Variants in PCCA observed in about 807,000 individuals in gnomAD.
PCCA encodes propionyl-CoA carboxylase alpha chain, mitochondrial.
PCCA carries 74 observed loss-of-function variants against 101.3 expected under a neutral mutation model. The ratio of observed to expected loss-of-function variants is 0.73; its 90% CI spans 0.61 to 0.89. The LOEUF (loss-of-function observed/expected upper bound fraction) is 0.89, where lower values mean the gene tolerates loss of function less well. PCCA is among the 40% of genes least tolerant of loss of function. The pLI is 0.00. For synonymous variants in PCCA, 294 were observed against 313.6 expected, an observed-to-expected ratio of 0.94 and a Z score of 0.66; for missense variants, 891 against 907.0, an observed-to-expected ratio of 0.98 and a Z score of 0.23.
intron 1 of PCCA, among the ~76,000 whole-genome samples, chr13:100,094,287 A>T (rs1266229872): frequency 2.0e-5 from 3 of 152,032 alleles, no homozygotes; most frequent in Admixed American, 2.0e-4. Flanking sequence ...TTTGATCTTT[A>T]ATGAGAATAA....
chr13:100,346,086 G>A (rs959926692), intron 18 of PCCA, among the ~76,000 whole-genome samples: 5 of 152,092 alleles, frequency 3.3e-5, no homozygotes, highest in Non-Finnish European at 7.4e-5. Flanking sequence ...TTGTTTTCAC[G>A]CCTGCTAACA....
chr13:100,308,722 T>G (rs2066667539), intron 15 of PCCA, among the ~76,000 whole-genome samples: 1 of 152,218 alleles, frequency 6.6e-6, no homozygotes, highest in Non-Finnish European at 1.5e-5. Context: ...ATATTATACG[T>G]TGATTTTTAA....
intron 20 of PCCA, among the ~76,000 whole-genome samples, chr13:100,445,244 C>G (rs1402215323): frequency 2.0e-5 from 3 of 152,172 alleles, no homozygotes; most frequent in Admixed American, 6.5e-5. Context: ...CCACACACCC[C>G]CATTATGCCC....
intron 8 of PCCA, among the ~76,000 whole-genome samples, chr13:100,242,661 G>T (rs960314786): frequency 6.6e-6 from 1 of 152,082 alleles, no homozygotes. Context: ...TAAAGAAAAA[G>T]AAAATATAAT....
intron 16 of PCCA, among the ~76,000 whole-genome samples, chr13:100,316,966 G>T (rs1010895658): frequency 6.6e-6 from 1 of 151,954 alleles, no homozygotes; most frequent in African/African-American, 2.4e-5. Flanking sequence ...TAGAGACGGG[G>T]TTTCACCATG....
chr13:100,360,073 C>T lies in PCCA; in HGVS notation c.1644-8399C>T, dbSNP rs2074398286. ...AGAGGTTTAATTGAACTTACAGTTC[C>T]ACATGGCTGAGGAGGCCTCAGAATC... On this transcript the variant is annotated intron_variant, in intron 18 of 23. Transcript: ENST00000376285. Among the ~76,000 whole-genome samples, 4 of 152,134 alleles carry T rather than the reference C, an allele frequency of 2.6e-5. No homozygotes were observed. In the South Asian group the frequency reaches 8.3e-4, roughly 32 times the overall value.
chr13:100,145,749 C>T (rs1188874689), intron 4 of PCCA, among the ~76,000 whole-genome samples: 5 of 151,116 alleles, frequency 3.3e-5, no homozygotes, highest in African/African-American at 7.3e-5. Context: ...GTAGTCCCTG[C>T]GACTCAGGAG....
chr13:100,137,856 C>T (rs2051373423), intron 4 of PCCA, among the ~76,000 whole-genome samples: 1 of 150,068 alleles, frequency 6.7e-6, no homozygotes, highest in Non-Finnish European at 1.5e-5. Flanking sequence ...GTCATCCAGG[C>T]TGGAGTGCAG....
At chr13:100,463,336 G>T (rs1166819492) in intron 21 of PCCA, among the ~76,000 whole-genome samples, 7 of 114,334 alleles carry the variant, frequency 6.1e-5, no homozygotes, top group African/African-American at 1.0e-4. Context: ...TATTGGTGTG[G>T]TTTTTTTTTT....
intron 12 of PCCA, among the ~76,000 whole-genome samples, chr13:100,285,787 A>C (rs1362752985): frequency 6.6e-6 from 1 of 152,210 alleles, no homozygotes; most frequent in Admixed American, 6.5e-5. Flanking sequence ...ATGATCTCGT[A>C]GAAGTCCCCT....
At chr13:100,254,150 C>T (rs1277191791) in intron 8 of PCCA, among the ~76,000 whole-genome samples, 4 of 151,974 alleles carry the variant, frequency 2.6e-5, no homozygotes, top group East Asian at 1.9e-4. Flanking sequence ...CAGACACTTA[C>T]GAAACCATCA....
chr13:100,154,996 G>A lies in PCCA; in HGVS notation c.318G>A (p.Ala106=), dbSNP rs752769607. The A allele has an allele frequency of 2.1e-5, 34 of 1,613,496 alleles. No homozygotes were observed. The highest frequency in any genetic ancestry group is 6.6e-5 in the South Asian group (6 of 91,070). The change falls in exon 5 of 24, where the codon GCG becomes GCA. Residue 106 remains alanine (A), a synonymous_variant. Transcript: ENST00000376285. Reference sequence around the variant, plus strand: ...CTCCTCAGGTTCATGTGAAAATGGCGGATGAGGCTGTCTGTGTTGGCCCAG... The same window carrying A: ...CTCCTCAGGTTCATGTGAAAATGGCAGATGAGGCTGTCTGTGTTGGCCCAG... ...VDASSVHVKM[A]DEAVCVGPAP... is the part of the protein sequence containing the mutation.
intron 12 of PCCA, among the ~76,000 whole-genome samples, chr13:100,301,108 T>C (rs2152683336): frequency 6.6e-6 from 1 of 152,376 alleles, no homozygotes; most frequent in South Asian, 2.1e-4. Context: ...CAGAATAGGT[T>C]GATTATCGGC....
intron 7 of PCCA, among the ~76,000 whole-genome samples, chr13:100,216,295 C>T (rs751620679): frequency 2.0e-5 from 3 of 152,198 alleles, no homozygotes; most frequent in Admixed American, 6.5e-5. Context: ...TGAAGTGTAC[C>T]TGCTACTGAA....
chr13:100,388,972 G>A (rs2152837850), intron 19 of PCCA, among the ~76,000 whole-genome samples: 1 of 152,300 alleles, frequency 6.6e-6, no homozygotes, highest in African/African-American at 2.4e-5. Flanking sequence ...GATCATTTTA[G>A]TTGTAATATA....
At chr13:100,378,222 C>T (rs2076038101) in intron 19 of PCCA, among the ~76,000 whole-genome samples, 1 of 152,140 alleles carries the variant, frequency 6.6e-6, no homozygotes, top group Admixed American at 6.6e-5. Context: ...CACTGAGTGG[C>T]AGTGTTTTTC....
intron 7 of PCCA, among the ~76,000 whole-genome samples, chr13:100,221,934 G>T (rs2059840120): frequency 6.6e-6 from 1 of 151,520 alleles, no homozygotes; most frequent in Admixed American, 6.6e-5. Context: ...ACAGGGTTTC[G>T]CCATATTGGC....
intron 8 of PCCA, among the ~76,000 whole-genome samples, chr13:100,256,080 T>C (rs1236585344): frequency 2.0e-5 from 3 of 152,186 alleles, no homozygotes; most frequent in African/African-American, 7.2e-5. Flanking sequence ...TAATCTTGGC[T>C]CACTGCAATC....
chr13:100,503,855 C>T lies in PCCA; in HGVS notation c.1900-11572C>T, dbSNP rs1184841624. Among the ~76,000 whole-genome samples the T allele has an allele frequency of 2.6e-5, 4 of 152,208 alleles. No homozygotes were observed. In the East Asian group the frequency reaches 7.7e-4, roughly 29 times the overall value. On this transcript the variant is annotated intron_variant, in intron 21 of 23. Coordinates refer to ENST00000376285, the MANE Select transcript of PCCA (RefSeq NM_000282.4). ...CTGAGGAGGTTGAGGCTGCAGTGAG[C>T]TGTGATCACACTACTGCACTCCAGC...
Sources: allele counts gnomAD v4.1 joint callset (sites outside exome capture counted in the v4.1 genomes callset), GRCh38; gene constraint gnomAD v4.1.1; transcripts MANE v1.5; gene names NCBI Gene and HGNC (gene_info 2026-07-23, HGNC 2026-07-21).